MAST4: variants seen among roughly 807,000 people sequenced by gnomAD.
MAST4 encodes microtubule-associated serine/threonine-protein kinase 4.
Under a neutral mutation model 162.7 loss-of-function variants are expected in MAST4, and 89 were observed. The observed-to-expected ratio is 0.55, with a 90% confidence interval of 0.46 to 0.65. MAST4 has a LOEUF of 0.65. Ranked by LOEUF, MAST4 falls within the 30% of genes least tolerant of loss-of-function variation. The pLI, the probability that MAST4 is intolerant of heterozygous loss-of-function variation, is 0.00. For missense variants in MAST4, 3,153 were observed against 3,374.0 expected, an observed-to-expected ratio of 0.93 and a Z score of 1.62; for synonymous variants, 1,479 against 1,361.1, an observed-to-expected ratio of 1.09 and a Z score of -1.91.
At chr5:66,718,244 GT>G (rs969580758) in intron 1 of MAST4, among the ~76,000 whole-genome samples, 39 of 150,160 alleles carry the variant, frequency 2.6e-4, no homozygotes, top group Non-Finnish European at 4.3e-4. Context: ...CTATTTGAAG[GT>G]TTTTTTTGTT....
chr5:66,995,954 C>A lies in MAST4; in HGVS notation c.675-58450C>A, dbSNP rs75601420. Among the ~76,000 whole-genome samples, 1,187 of 151,848 alleles carry A rather than the reference C, an allele frequency of 7.8e-3. 17 individuals are homozygous for A. Among genetic ancestry groups the A allele is most frequent in the African/African-American group, 0.027 (1,121 of 41,388 alleles). ...ATGAGAAGTATAAAAGAGGATAAAT[C>A]ATAATTCTGTACTGACAGATGTTCA... On this transcript the variant is annotated intron_variant, in intron 4 of 28. Coordinates refer to ENST00000403625, the MANE Select transcript of MAST4 (RefSeq NM_001164664.2).
At chr5:66,771,193 T>C (rs1754341480) in intron 2 of MAST4, among the ~76,000 whole-genome samples, 1 of 152,072 alleles carries the variant, frequency 6.6e-6, no homozygotes, top group South Asian at 2.1e-4. Context: ...TTTCTTTTTT[T>C]TTTTTATTTG....
intron 1 of MAST4, among the ~76,000 whole-genome samples, chr5:66,751,309 G>A (rs1037741601): frequency 1.1e-4 from 16 of 152,204 alleles, no homozygotes; most frequent in Admixed American, 5.9e-4. Context: ...TGACTTTGAC[G>A]AGCTGAGAGA....
At position 67,163,389 on chromosome 5, in the gene MAST4, C is replaced by G. The variant is rs776817720; in HGVS notation, c.4210C>G (p.Leu1404Val). 6.2e-7 allele frequency: 1 copy of G among 1,612,592 alleles called. No homozygotes were observed. The highest frequency in any genetic ancestry group is 2.2e-5 in the East Asian group (1 of 44,854). The change falls in exon 29 of 29, where the codon CTG becomes GTG. Residue 1404 changes from leucine to valine, a missense_variant. Coordinates refer to ENST00000403625, the MANE Select transcript of MAST4 (RefSeq NM_001164664.2). The surrounding 1 kb of genome is among the most constrained non-coding windows in gnomAD (Gnocchi z 7.0). ...RSPSPLLGHS[L>V]GNSKIAQAFP... ...ACCATCCCCTCTTCTGGGACACTCACTGGGCAATTCCAAGATCGCGCAAGC... is the reference window on the plus strand; with the variant it reads ...ACCATCCCCTCTTCTGGGACACTCAGTGGGCAATTCCAAGATCGCGCAAGC...
chr5:66,989,455 G>A (rs1464696110), intron 4 of MAST4, among the ~76,000 whole-genome samples: 1 of 152,118 alleles, frequency 6.6e-6, no homozygotes, highest in Non-Finnish European at 1.5e-5. Context: ...GCATGTGGCA[G>A]CTCAGAATTC....
intron 3 of MAST4, among the ~76,000 whole-genome samples, chr5:66,883,695 G>T (rs961056551): frequency 6.6e-6 from 1 of 152,072 alleles, no homozygotes; most frequent in Admixed American, 6.5e-5. Flanking sequence ...CCAAAGTGCT[G>T]GGATTACAGG....
rs1763690763 is a variant in MAST4, at chr5:66,910,741, C to CTTTGTTTTTTT, written c.674+10762_674+10763insGTTTTTTTTTT. Among the ~76,000 whole-genome samples, 15 of 20,100 alleles carry CTTTGTTTTTTT rather than the reference C, an allele frequency of 7.5e-4. 1 individual carries two copies. Among genetic ancestry groups the CTTTGTTTTTTT allele is most frequent in the South Asian group, 4.2e-3 (3 of 722 alleles). The allele number at this position is 20,100 out of a possible 152,430, so 13.2% of individuals were successfully genotyped here. On this transcript the variant is annotated intron_variant, in intron 4 of 28. Coordinates refer to ENST00000403625, the MANE Select transcript of MAST4 (RefSeq NM_001164664.2). ...GAATACACATGTGGTTTTTTTTTTT[C>CTTTGTTTTTTT]TTTTTTTTTTTTTCTTTTTTTTTTT...
At chr5:67,091,191 C>T (rs545314343) in intron 6 of MAST4, among the ~76,000 whole-genome samples, 30 of 152,304 alleles carry the variant, frequency 2.0e-4, no homozygotes, top group South Asian at 2.1e-4. Context: ...AGTGCCCTCA[C>T]GACCGTTTGT....
intron 5 of MAST4, among the ~76,000 whole-genome samples, chr5:67,077,424 T>C (rs1287771916): frequency 6.6e-6 from 1 of 152,150 alleles, no homozygotes; most frequent in Non-Finnish European, 1.5e-5. Flanking sequence ...AGAAACACTA[T>C]TGTGCCTAAG....
chr5:66,654,207 T>TAATA (rs1352647819), intron 1 of MAST4, among the ~76,000 whole-genome samples: 1 of 152,194 alleles, frequency 6.6e-6, no homozygotes, highest in Non-Finnish European at 1.5e-5. Flanking sequence ...GAGTAATGTT[T>TAATA]AATAATGTCC....
chr5:66,675,482 G>C (rs1242583356), intron 1 of MAST4, among the ~76,000 whole-genome samples: 2 of 152,104 alleles, frequency 1.3e-5, no homozygotes, highest in Non-Finnish European at 2.9e-5. Context: ...TTTTAGAAAG[G>C]CCTTTCCTGA....
chr5:66,716,064 A>G (rs1251472008), intron 1 of MAST4, among the ~76,000 whole-genome samples: 3 of 152,296 alleles, frequency 2.0e-5, no homozygotes, highest in African/African-American at 4.8e-5. Context: ...TGATCAATAA[A>G]AAACCCTAAA....
intron 1 of MAST4, among the ~76,000 whole-genome samples, chr5:66,753,478 G>T (rs6860002): frequency 6.6e-6 from 1 of 151,558 alleles, no homozygotes; most frequent in Non-Finnish European, 1.5e-5. Flanking sequence ...TATCACCACC[G>T]ATCCCACAGA....
intron 4 of MAST4, among the ~76,000 whole-genome samples, chr5:66,988,923 G>T (rs1382019174): frequency 6.6e-6 from 1 of 152,094 alleles, no homozygotes; most frequent in Admixed American, 6.5e-5. Context: ...TTTATTCAGG[G>T]AAATAAGACA....
intron 5 of MAST4, among the ~76,000 whole-genome samples, chr5:67,060,258 C>T (rs915861691): frequency 2.0e-5 from 3 of 152,074 alleles, no homozygotes; most frequent in African/African-American, 4.8e-5. Context: ...TCTTGCAACT[C>T]GTTCATTAGA....
At chr5:66,666,014 T>C (rs909172254) in intron 1 of MAST4, among the ~76,000 whole-genome samples, 3 of 152,208 alleles carry the variant, frequency 2.0e-5, no homozygotes, top group African/African-American at 4.8e-5. Flanking sequence ...TACCAGTACA[T>C]GGGTACTCTC....
rs1742247526 is a variant in MAST4, at chr5:66,597,230, T to C, written c.363+212T>C. 1.3e-5 allele frequency among the ~76,000 whole-genome samples: 2 copies of C among 152,192 alleles called. 1 individual carries two copies. The highest frequency in any genetic ancestry group is 4.1e-4 in the South Asian group (2 of 4,834). ...TGGCTGTTACCCCCGTGTGTGTGTC[T>C]CAGTGTGCTGCCTGATGGTGTGTTT... On this transcript the variant is annotated intron_variant, in intron 1 of 28. Transcript: ENST00000403625.
In MAST4 at chr5:66,878,473, A is replaced by C. The variant is rs148959645; in HGVS notation, c.643-21478A>C. 2.5e-3 allele frequency among the ~76,000 whole-genome samples: 386 copies of C among 152,356 alleles called. 3 individuals carry two copies. Among genetic ancestry groups the C allele is most frequent in the African/African-American group, 9.1e-3 (378 of 41,584 alleles). ...GGCAGTGAGGTTAAATAACTCACACAAGATCCCAGAGCTAGTAAAAGGTGA... is the reference window on the plus strand; with the variant it reads ...GGCAGTGAGGTTAAATAACTCACACCAGATCCCAGAGCTAGTAAAAGGTGA... On this transcript the variant is annotated intron_variant, in intron 3 of 28. Coordinates refer to ENST00000403625, the MANE Select transcript of MAST4 (RefSeq NM_001164664.2).
At chr5:66,814,780 C>G (rs1374839657) in intron 3 of MAST4, among the ~76,000 whole-genome samples, 1 of 152,136 alleles carries the variant, frequency 6.6e-6, no homozygotes, top group Non-Finnish European at 1.5e-5. Flanking sequence ...ACAAAATTGC[C>G]AGGAAGAACT....
Sources: gnomAD v4.1 joint callset for allele counts (sites outside exome capture counted in the v4.1 genomes callset) on GRCh38, gnomAD v4.1.1 for gene constraint, Gnocchi (gnomAD v3.1) non-coding constraint, MANE v1.5 for transcripts, NCBI Gene and HGNC (gene_info 2026-07-23, HGNC 2026-07-21) for gene names.